The following PLCG2 variants were observed in gnomAD, a reference collection of about 807,000 sequenced individuals.
PLCG2 encodes phospholipase C gamma 2, also known as 1-phosphatidylinositol 4,5-bisphosphate phosphodiesterase gamma-2.
Under a neutral mutation model 175.6 loss-of-function variants are expected in PLCG2, and 69 were observed. The observed-to-expected ratio is 0.39, with a 90% CI of 0.32 to 0.48. PLCG2 has a LOEUF of 0.48. Among genes scored for constraint, PLCG2 ranks in the 20% least tolerant of loss-of-function variants. PLCG2 has a pLI of 0.91. For missense variants in PLCG2, 1,798 were observed against 1,650.9 expected (o/e 1.09, Z -1.54); for synonymous variants, 827 against 624.0 (o/e 1.33, Z -4.85).
intron 5 of PLCG2, among the ~76,000 whole-genome samples, chr16:81,860,175 T>TTTTA (rs1906907723): frequency 1.1e-5 from 1 of 89,374 alleles, no homozygotes; most frequent in Non-Finnish European, 2.5e-5. Flanking sequence ...TATTATTATT[T>TTTTA]TTTTTTTTTT....
Position 81,957,936 on chromosome 16 carries a change from T to C in PLCG2, c.3756-20T>C. On this transcript the variant is annotated intron_variant, in intron 32 of 32. Coordinates refer to ENST00000564138, the MANE Select transcript of PLCG2 (RefSeq NM_002661.5). Reference sequence around the variant, plus strand: ...ATTTCTCATGGCCCACTGCTGATGGTGAAATCTGTTTTATTTCAGGTTAAG... The same window carrying C: ...ATTTCTCATGGCCCACTGCTGATGGCGAAATCTGTTTTATTTCAGGTTAAG... 2 of 1,612,314 alleles carry C rather than the reference T, an allele frequency of 1.2e-6. No homozygotes were observed. The highest frequency in any genetic ancestry group is 1.7e-6 in the Non-Finnish European group (2 of 1,178,344).
intron 2 of PLCG2, among the ~76,000 whole-genome samples, chr16:81,821,837 T>A (rs1221624940): frequency 6.6e-6 from 1 of 151,172 alleles, no homozygotes. Context: ...TGGGGACCCC[T>A]CCCCTCTCAA....
chr16:81,922,829 A>G (rs1344729367), intron 21 of PLCG2, among the ~76,000 whole-genome samples: 1 of 152,268 alleles, frequency 6.6e-6, no homozygotes, highest in Non-Finnish European at 1.5e-5. Context: ...GGCAGAAAGC[A>G]TGAAAGCAAA....
chr16:81,883,978 C>T lies in PLCG2; in HGVS notation c.765+637C>T, dbSNP rs146513916. ...GCGTGTCACAGCGGGAGGCTGCTGC[C>T]GGCATCTAGCAGGTCAACACCAGGG... is the stretch of plus-strand genomic sequence containing the variant. On this transcript the variant is annotated intron_variant, in intron 9 of 32. Transcript: ENST00000564138. Among the ~76,000 whole-genome samples the T allele has an allele frequency of 1.2e-3, 184 of 152,274 alleles. 1 individual carries two copies. The highest frequency in any genetic ancestry group is 4.1e-3 in the African/African-American group (172 of 41,546).
intron 31 of PLCG2, among the ~76,000 whole-genome samples, chr16:81,947,282 G>A (rs1294473126): frequency 6.6e-6 from 1 of 152,138 alleles, no homozygotes; most frequent in East Asian, 1.9e-4. Flanking sequence ...CGTTGTGTGG[G>A]GTTCTAAATG....
In PLCG2 at chr16:81,783,592, T is replaced by G. The variant is rs112440815; in HGVS notation, c.-47-2351T>G. ...CTGCTGCTGGTCTACATGACTTTGA[T>G]CAAGTAATGTGACCTCTTGGGATTT... On this transcript the variant is annotated intron_variant, in intron 1 of 32. Coordinates refer to ENST00000564138, the MANE Select transcript of PLCG2 (RefSeq NM_002661.5). Among the ~76,000 whole-genome samples, 251 of 152,296 alleles carry G rather than the reference T, an allele frequency of 1.6e-3. 2 individuals carry two copies. The highest frequency in any genetic ancestry group is 5.8e-3 in the African/African-American group (239 of 41,564).
chr16:81,821,243 T>A (rs1200389229), intron 2 of PLCG2, among the ~76,000 whole-genome samples: 2 of 152,260 alleles, frequency 1.3e-5, no homozygotes, highest in East Asian at 3.9e-4. Context: ...TGAGTTAACA[T>A]GTGAGTGATT....
intron 30 of PLCG2, among the ~76,000 whole-genome samples, chr16:81,945,472 G>A (rs1455802507): frequency 6.6e-6 from 1 of 152,228 alleles, no homozygotes; most frequent in Non-Finnish European, 1.5e-5. Flanking sequence ...ACAGAGAGGA[G>A]GATTGGGTGG....
At chr16:81,931,741 C>T in intron 25 of PLCG2, 87 bp downstream of exon 25, 1 of 1,115,268 alleles carries the variant, frequency 9.0e-7, no homozygotes, top group Non-Finnish European at 1.3e-6. Flanking sequence ...GTCCAGGCAG[C>T]AGGATGAGCA....
chr16:81,865,232 G>A (rs1039602349), intron 5 of PLCG2, among the ~76,000 whole-genome samples: 2 of 152,130 alleles, frequency 1.3e-5, no homozygotes, highest in Admixed American at 1.3e-4. Context: ...ACCTGGGCGA[G>A]GCACTCTCTG....
intron 2 of PLCG2, among the ~76,000 whole-genome samples, chr16:81,836,073 C>A (rs1444572535): frequency 1.4e-4 from 21 of 151,968 alleles, no homozygotes; most frequent in Admixed American, 1.3e-3. Flanking sequence ...TGCAGTTCAA[C>A]CCCCAACATT....
intron 5 of PLCG2, among the ~76,000 whole-genome samples, chr16:81,866,134 T>A (rs1907221835): frequency 8.6e-6 from 1 of 116,222 alleles, no homozygotes; most frequent in Non-Finnish European, 1.7e-5. Flanking sequence ...GCTCCCAGGG[T>A]GAGCTCCAAC....
chr16:81,790,324 G>C (rs542385006), intron 2 of PLCG2, among the ~76,000 whole-genome samples: 2 of 152,286 alleles, frequency 1.3e-5, no homozygotes, highest in South Asian at 4.1e-4. Context: ...TGACGTGATT[G>C]GATTTGCATC....
chr16:81,864,828 C>T (rs984628758), intron 5 of PLCG2, among the ~76,000 whole-genome samples: 31 of 152,092 alleles, frequency 2.0e-4, no homozygotes, highest in Admixed American at 4.6e-4. Context: ...TGGGGGCCTC[C>T]CGGGCTGAGC....
rs74809327 is a variant in PLCG2 at position 81,814,280 on chromosome 16, G to T, written c.193+28098G>T. Among the ~76,000 whole-genome samples, 325 of 152,294 alleles carry T rather than the reference G, an allele frequency of 2.1e-3. 3 individuals carry two copies. Among genetic ancestry groups the T allele is most frequent in the African/African-American group, 7.6e-3 (315 of 41,550 alleles). ...AATAGGTAATAAGGTCTTCTCAGGG[G>T]ACCTGCCTGTTTTAGCAGTGCTTCA... On this transcript the variant is annotated intron_variant, in intron 2 of 32. Transcript: ENST00000564138.
chr16:81,783,174 C>T (rs776954703), intron 1 of PLCG2: 2 of 481,516 alleles, frequency 4.2e-6, no homozygotes, highest in Admixed American at 4.4e-5. Context: ...ACTTATGTTC[C>T]AGTGGACTAT....
chr16:81,956,902 A>G, intron 32 of PLCG2, 23 bp downstream of exon 32: 1 of 1,604,696 alleles, frequency 6.2e-7, no homozygotes, highest in Non-Finnish European at 8.5e-7. Flanking sequence ...CTCCACCTGC[A>G]AAAACTTTTG....
At chr16:81,876,012 CTTTCTTT>C (rs894071649) in intron 7 of PLCG2, among the ~76,000 whole-genome samples, 1 of 110,288 alleles carries the variant, frequency 9.1e-6, no homozygotes, top group African/African-American at 3.3e-5. Flanking sequence ...TTTTCTTTTT[CTTTCTTT>C]TTTTTTTTTT....
At chr16:81,821,671 A>G (rs1388663504) in intron 2 of PLCG2, among the ~76,000 whole-genome samples, 1 of 152,116 alleles carries the variant, frequency 6.6e-6, no homozygotes, top group East Asian at 1.9e-4. Flanking sequence ...GCCTCTGTAG[A>G]AAAAAATGTA....
Sources: gnomAD v4.1 joint callset for allele counts (sites outside exome capture counted in the v4.1 genomes callset) on GRCh38, gnomAD v4.1.1 for gene constraint, MANE v1.5 for transcripts, NCBI Gene and HGNC (gene_info 2026-07-23, HGNC 2026-07-21) for gene names.